The following SDK1 variants were observed in gnomAD, a reference collection of about 807,000 sequenced individuals.
SDK1 encodes the protein protein sidekick-1.
SDK1 carries 157 observed loss-of-function variants against 245.5 expected under a neutral mutation model. The observed-to-expected ratio is 0.64, with a 90% confidence interval of 0.56 to 0.73. The LOEUF (loss-of-function observed/expected upper bound fraction) is 0.73, where lower values mean the gene tolerates loss of function less well. Among genes scored for constraint, SDK1 ranks in the 30% least tolerant of loss-of-function variants. The pLI, the probability that SDK1 is intolerant of heterozygous loss-of-function variation, is 0.00. For missense variants in SDK1, 3,583 were observed against 3,002.3 expected (o/e 1.19, Z -4.52); for synonymous variants, 1,647 against 1,278.5 (o/e 1.29, Z -6.15).
At chr7:3,998,585 G>A (rs1243917451) in intron 14 of SDK1, among the ~76,000 whole-genome samples, 1 of 152,132 alleles carries the variant, frequency 6.6e-6, no homozygotes, top group Non-Finnish European at 1.5e-5. Flanking sequence ...CTGCCCCCTG[G>A]ACAGGTTTCA....
intron 1 of SDK1, among the ~76,000 whole-genome samples, chr7:3,601,366 GC>G (rs1448283094): frequency 1.3e-5 from 2 of 152,024 alleles, no homozygotes; most frequent in Non-Finnish European, 2.9e-5. Flanking sequence ...TTATTGAGAA[GC>G]TTTTAAATTA....
intron 4 of SDK1, among the ~76,000 whole-genome samples, chr7:3,724,375 C>T (rs1393896455): frequency 2.0e-5 from 3 of 151,914 alleles, no homozygotes. Context: ...GAGTTTGAGA[C>T]CAGCCTGGGC....
At chr7:3,347,177 G>C (rs566949024) in intron 1 of SDK1, among the ~76,000 whole-genome samples, 1 of 151,736 alleles carries the variant, frequency 6.6e-6, no homozygotes, top group South Asian at 2.1e-4. Flanking sequence ...AGTTGTACTT[G>C]ATGCCACTTC....
chr7:3,351,196 T>C (rs1406542077), intron 1 of SDK1, among the ~76,000 whole-genome samples: 1 of 152,202 alleles, frequency 6.6e-6, no homozygotes, highest in Admixed American at 6.5e-5. Flanking sequence ...CAGATGGTAG[T>C]TGTATTGTAA....
At chr7:3,421,665 C>A (rs1779539525) in intron 1 of SDK1, among the ~76,000 whole-genome samples, 1 of 152,158 alleles carries the variant, frequency 6.6e-6, no homozygotes. Context: ...TAGAGAGTAT[C>A]TCTAGGCAGT....
At chr7:3,985,688 G>C (rs1027660311) in intron 13 of SDK1, among the ~76,000 whole-genome samples, 1 of 152,162 alleles carries the variant, frequency 6.6e-6, no homozygotes, top group African/African-American at 2.4e-5. Context: ...CACAATTAAA[G>C]AGAAAACAAG....
intron 32 of SDK1, among the ~76,000 whole-genome samples, chr7:4,169,462 C>T (rs1781696466): frequency 6.6e-6 from 1 of 152,202 alleles, no homozygotes; most frequent in Non-Finnish European, 1.5e-5. Flanking sequence ...CAGCCCTTCT[C>T]CCCTCATCAA....
In SDK1 at chr7:4,266,343, C is replaced by G. The variant is rs952220942; in HGVS notation, c.*959C>G. On this transcript the variant is annotated 3_prime_UTR_variant, in exon 45 of 45. Transcript: ENST00000404826. The stretch of plus-strand genomic sequence containing the variant: ...AGGTGCCTTTTTATTAATTGTTCAG[C>G]TTTGTACATGGGAAAGATGAAAAGC... 4.1e-6 allele frequency: 4 copies of G among 985,348 alleles called. No individual in the cohort carries two copies. Among genetic ancestry groups the G allele is most frequent in the African/African-American group, 1.7e-5 (1 of 57,344 alleles). 61.0% of individuals were successfully genotyped at this position (985,348 alleles called of 1,614,324 possible).
intron 14 of SDK1, 98 bp downstream of exon 14, chr7:3,987,420 A>C: frequency 1.6e-6 from 2 of 1,258,758 alleles, no homozygotes; most frequent in Non-Finnish European, 2.3e-6. Flanking sequence ...GACCCAAAAC[A>C]ACTACTAAAA....
intron 1 of SDK1, among the ~76,000 whole-genome samples, chr7:3,612,958 T>C (rs1477836905): frequency 2.0e-5 from 3 of 146,678 alleles, no homozygotes; most frequent in African/African-American, 7.6e-5. Flanking sequence ...TAAGTGGAGG[T>C]TGATTATTTC....
At chr7:3,664,025 A>G (rs1202770995) in intron 4 of SDK1, among the ~76,000 whole-genome samples, 1 of 148,668 alleles carries the variant, frequency 6.7e-6, no homozygotes, top group Non-Finnish European at 1.5e-5. Flanking sequence ...TTTTGGGTAC[A>G]TTGTACCTTC....
chr7:3,703,081 A>G (rs1784784361), intron 4 of SDK1, among the ~76,000 whole-genome samples: 2 of 146,896 alleles, frequency 1.4e-5, no homozygotes, highest in Middle Eastern at 3.4e-3. Flanking sequence ...AAAAAAAAAA[A>G]TGTATGCCGA....
intron 7 of SDK1, among the ~76,000 whole-genome samples, chr7:3,956,047 T>C (rs528933745): frequency 3.0e-4 from 46 of 152,314 alleles, no homozygotes; most frequent in African/African-American, 9.9e-4. Flanking sequence ...TTCCCTGATG[T>C]CTTCATATTG....
At chr7:3,540,591 T>C (rs766290722) in intron 1 of SDK1, among the ~76,000 whole-genome samples, 6 of 152,192 alleles carry the variant, frequency 3.9e-5, no homozygotes, top group Non-Finnish European at 7.3e-5. Context: ...TGCTATGATA[T>C]GTGCTATGGG....
chr7:4,036,517 A>G (rs532464752), intron 17 of SDK1, among the ~76,000 whole-genome samples: 2 of 152,300 alleles, frequency 1.3e-5, no homozygotes, highest in Non-Finnish European at 2.9e-5. Flanking sequence ...ACAGTTTTTA[A>G]CACCGTAACA....
At chr7:3,795,657 C>T (rs1488280638) in intron 4 of SDK1, among the ~76,000 whole-genome samples, 1 of 152,040 alleles carries the variant, frequency 6.6e-6, no homozygotes, top group Non-Finnish European at 1.5e-5. Flanking sequence ...AAAAGTGACA[C>T]TGATGTATTA....
intron 22 of SDK1, among the ~76,000 whole-genome samples, chr7:4,081,524 A>G (rs1019490791): frequency 8.2e-6 from 1 of 122,234 alleles, no homozygotes; most frequent in Non-Finnish European, 1.6e-5. Context: ...GGTTCAAGTG[A>G]TTCCCCCTGC....
intron 30 of SDK1, among the ~76,000 whole-genome samples, chr7:4,158,001 G>A (rs907321378): frequency 1.4e-4 from 22 of 152,148 alleles, no homozygotes; most frequent in Admixed American, 6.5e-4. Context: ...ACAAGGGCCC[G>A]GGGAATTAGC....
intron 7 of SDK1, among the ~76,000 whole-genome samples, chr7:3,957,341 G>A (rs1220587064): frequency 3.3e-5 from 5 of 152,200 alleles, no homozygotes; most frequent in African/African-American, 1.2e-4. Flanking sequence ...TGTATCAGTA[G>A]CAGTATCCTG....
Sources: allele counts gnomAD v4.1 joint callset (sites outside exome capture counted in the v4.1 genomes callset), GRCh38; gene constraint gnomAD v4.1.1; transcripts MANE v1.5; gene names NCBI Gene and HGNC (gene_info 2026-07-23, HGNC 2026-07-21).